HOXA3: variants seen among roughly 807,000 people sequenced by gnomAD.
HOXA3 encodes homeobox A3, also known as homeobox protein Hox-A3.
HOXA3 carries 8 observed loss-of-function variants against 30.3 expected under a neutral mutation model. The observed-to-expected ratio is 0.26, with a 90% CI of 0.15 to 0.48. The LOEUF (loss-of-function observed/expected upper bound fraction) is 0.48. HOXA3 is among the 20% of genes least tolerant of loss of function. The pLI is 0.99. For missense variants in HOXA3, 653 were observed against 614.4 expected (o/e 1.06, Z -0.66); for synonymous variants, 323 against 273.1 (o/e 1.18, Z -1.80).
chr7:27,114,380 G>C lies in HOXA3; in HGVS notation c.-120-3620C>G, dbSNP rs114678315. Among the ~76,000 whole-genome samples the C allele has an allele frequency of 7.8e-3, 1,185 of 151,784 alleles. 23 individuals are homozygous for C. Among genetic ancestry groups the C allele is most frequent in the African/African-American group, 0.027 (1,136 of 41,480 alleles). ...GTGGGGTGAGGGGAAAGAGAACCAA[G>C]AAAAGTGAGTTTCCCAGACTTTGCC... On this transcript the variant is annotated intron_variant, in intron 4 of 5. Transcript: ENST00000612286.
In HOXA3 at chr7:27,108,727, GGACA is replaced by G. The variant is rs780033995; in HGVS notation, c.527-11_527-8del. 2 of 1,585,574 alleles carry G rather than the reference GGACA, an allele frequency of 1.3e-6. No homozygotes were observed. ...TCGCCAGCGCAGCTTTCGCCTGCGAGGACAGAGAGAGGAAGAGCGGCGTCAGGGG... is the reference window on the plus strand; with the variant it reads ...TCGCCAGCGCAGCTTTCGCCTGCGAGGAGAGAGGAAGAGCGGCGTCAGGGG... On this transcript the variant is annotated splice_polypyrimidine_tract_variant and splice_region_variant and intron_variant, in intron 5 of 5. Transcript: ENST00000612286. This position sits in a 1 kb window ranked among gnomAD's most constrained non-coding sequence, Gnocchi z 5.0.
intron 1 of HOXA3, chr7:27,142,023 C>G: frequency 5.0e-6 from 8 of 1,614,224 alleles, no homozygotes; most frequent in Non-Finnish European, 6.8e-6. Context: ...TTCTCCAGCT[C>G]CAGGGTCTGG....
chr7:27,151,215 G>A (rs1232889611), intron 1 of HOXA3: 1 of 175,234 alleles, frequency 5.7e-6, no homozygotes, highest in Non-Finnish European at 1.2e-5. Context: ...AAAGAACCTC[G>A]GACTCTTTTC....
At chr7:27,130,797 GCCCCTCCC>G in intron 2 of HOXA3, 2 of 1,500,772 alleles carry the variant, frequency 1.3e-6, no homozygotes, top group Non-Finnish European at 1.8e-6. Flanking sequence ...GCTTGCCGAG[GCCCCTCCC>G]CCTCCTGCCT....
intron 2 of HOXA3, among the ~76,000 whole-genome samples, chr7:27,135,713 A>T (rs2128057017): frequency 6.6e-6 from 1 of 152,320 alleles, no homozygotes; most frequent in South Asian, 2.1e-4. Context: ...TTCCTGCACC[A>T]TTCTGTTGCC....
At chr7:27,120,261 G>A (rs1022820243) in intron 4 of HOXA3, among the ~76,000 whole-genome samples, 1 of 152,120 alleles carries the variant, frequency 6.6e-6, no homozygotes, top group Non-Finnish European at 1.5e-5. Context: ...GCCATAAATT[G>A]TCCGGGTGCG....
intron 5 of HOXA3, among the ~76,000 whole-genome samples, chr7:27,109,442 G>A (rs981008302): frequency 1.3e-5 from 2 of 152,218 alleles, no homozygotes; most frequent in African/African-American, 4.8e-5. Flanking sequence ...CAGGGCACTG[G>A]CAACTGGAGA....
intron 3 of HOXA3, among the ~76,000 whole-genome samples, chr7:27,126,281 C>T (rs1361291191): frequency 6.6e-6 from 1 of 152,124 alleles, no homozygotes; most frequent in Non-Finnish European, 1.5e-5. Flanking sequence ...CGGAGTCATG[C>T]ACAACTTGGC....
rs927319099 is a variant in HOXA3, at chr7:27,152,510, G to A, written c.-716C>T. ...GGGCTTCCCTTCGCTCGCCATCTCC[G>A]GACAAAGCACAGCCGAGCCCGGCTG... On this transcript the variant is annotated 5_prime_UTR_variant, in exon 1 of 6. Coordinates refer to ENST00000612286, the MANE Select transcript of HOXA3 (RefSeq NM_153631.3). The A allele has an allele frequency of 2.6e-6, 3 of 1,173,358 alleles. No homozygotes were observed. The Admixed American group carries it at 1.2e-4, about 47-fold the overall frequency. 72.7% of individuals were successfully genotyped at this position (1,173,358 alleles called of 1,614,324 possible).
At chr7:27,120,342 A>G (rs1784942956) in intron 4 of HOXA3, among the ~76,000 whole-genome samples, 1 of 152,012 alleles carries the variant, frequency 6.6e-6, no homozygotes, top group African/African-American at 2.4e-5. Context: ...GCAGTTCGAG[A>G]CCAGCCTGAA....
In HOXA3 at chr7:27,146,304, T is replaced by C. The variant is rs556618355; in HGVS notation, c.-494+5984A>G. 7.2e-5 allele frequency among the ~76,000 whole-genome samples: 11 copies of C among 151,852 alleles called. No homozygotes were observed. The East Asian group carries it at 2.1e-3, about 29-fold the overall frequency. On this transcript the variant is annotated intron_variant, in intron 1 of 5. Coordinates refer to ENST00000612286, the MANE Select transcript of HOXA3 (RefSeq NM_153631.3). ...GGTGGGTGGTGTGGAACCATGTAAG[T>C]AGTGTACACACTCTGAATTCATAGT...
chr7:27,129,672 C>A, intron 2 of HOXA3: 2 of 1,267,518 alleles, frequency 1.6e-6, no homozygotes, highest in Non-Finnish European at 2.2e-6. Flanking sequence ...AGCAATTGGA[C>A]ATCATCATTA....
chr7:27,115,734 T>C (rs2285721), intron 4 of HOXA3: 11,005 of 152,324 alleles, frequency 0.072, 647 homozygotes, highest in East Asian at 0.24. Flanking sequence ...CAGGGAGATC[T>C]GGGGCGGGAG....
chr7:27,151,922 G>A (rs949293403), intron 1 of HOXA3, among the ~76,000 whole-genome samples: 6 of 152,110 alleles, frequency 3.9e-5, no homozygotes, highest in African/African-American at 9.7e-5. Context: ...ACAGTGTGCC[G>A]GGCCACTTCC....
rs201659767 is a variant in HOXA3 at position 27,129,263 on chromosome 7, G to A, written c.-389-2193C>T. On this transcript the variant is annotated intron_variant, in intron 2 of 5. Coordinates refer to ENST00000612286, the MANE Select transcript of HOXA3 (RefSeq NM_153631.3). Reference sequence around the variant, plus strand: ...GGAACGGGTGTGGAGGTGCTCGGGTGGGGGTGGGGATGGAGGTGTGGGCTC... The same window carrying A: ...GGAACGGGTGTGGAGGTGCTCGGGTAGGGGTGGGGATGGAGGTGTGGGCTC... 9 of 1,610,078 alleles carry A rather than the reference G, an allele frequency of 5.6e-6. No homozygotes were observed. In the East Asian group the frequency reaches 1.8e-4, roughly 32 times the overall value.
At position 27,147,687 on chromosome 7, in the gene HOXA3, G is replaced by T. The variant is rs776113892; in HGVS notation, c.-494+4601C>A. 3 of 1,613,670 alleles carry T rather than the reference G, an allele frequency of 1.9e-6. No homozygotes were observed. In the Admixed American group the frequency reaches 5.0e-5, roughly 27 times the overall value. Reference sequence around the variant, plus strand: ...CCTGGTAGAGGGGCAGCTGGCCCAAGAAGGAGTCCTGGCCGCTGGGAAGGC... The same window carrying T: ...CCTGGTAGAGGGGCAGCTGGCCCAATAAGGAGTCCTGGCCGCTGGGAAGGC... On this transcript the variant is annotated intron_variant, in intron 1 of 5. Coordinates refer to ENST00000612286, the MANE Select transcript of HOXA3 (RefSeq NM_153631.3).
chr7:27,119,150 C>G (rs986920249), intron 4 of HOXA3, among the ~76,000 whole-genome samples: 2 of 120,362 alleles, frequency 1.7e-5, no homozygotes, highest in Non-Finnish European at 3.5e-5. Context: ...GCAAGAGACC[C>G]CCCCCCCCAA....
chr7:27,147,616 G>A (rs765854235), intron 1 of HOXA3: 5 of 1,614,216 alleles, frequency 3.1e-6, no homozygotes, highest in South Asian at 1.1e-5. Flanking sequence ...CGGGAGACTC[G>A]ACGCCCCGTA....
At chr7:27,126,012 C>T (rs1448824297) in intron 3 of HOXA3, among the ~76,000 whole-genome samples, 4 of 152,144 alleles carry the variant, frequency 2.6e-5, no homozygotes, top group Admixed American at 2.0e-4. Flanking sequence ...GGACTTCCCT[C>T]CTCCCCCATC....
Sources: gnomAD v4.1 joint callset for allele counts (sites outside exome capture counted in the v4.1 genomes callset) on GRCh38, gnomAD v4.1.1 for gene constraint, Gnocchi (gnomAD v3.1) non-coding constraint, MANE v1.5 for transcripts, NCBI Gene and HGNC (gene_info 2026-07-23, HGNC 2026-07-21) for gene names.